The following ATF6 variants were observed in gnomAD, a reference collection of about 807,000 sequenced individuals.
ATF6 encodes activating transcription factor 6.
Under a neutral mutation model 83.6 loss-of-function variants are expected in ATF6, and 53 were observed. That is an observed-to-expected ratio of 0.63 (90% CI 0.51 to 0.80). The LOEUF (loss-of-function observed/expected upper bound fraction) is 0.80, where lower values mean the gene tolerates loss of function less well. ATF6 is among the 30% of genes least tolerant of loss of function. ATF6 has a pLI of 0.00. For synonymous variants in ATF6, 288 were observed against 285.8 expected, an observed-to-expected ratio of 1.01 and a Z score of -0.08; for missense variants, 744 against 797.9, an observed-to-expected ratio of 0.93 and a Z score of 0.81.
intron 1 of ATF6, 94 bp downstream of exon 1, chr1:161,766,536 G>T: frequency 8.6e-7 from 1 of 1,166,854 alleles, no homozygotes; most frequent in South Asian, 1.4e-5. Context: ...GACAGGTGTG[G>T]ACCAACCCTG....
chr1:161,780,112 G>T lies in ATF6; in HGVS notation c.159+1792G>T, dbSNP rs182352901. On this transcript the variant is annotated intron_variant, in intron 2 of 15. Transcript: ENST00000367942. ...AAGGAGATTGATTTTTTAAAAAATG[G>T]TTTTTTTATGATTTAAATACTTTTT... Among the ~76,000 whole-genome samples the T allele has an allele frequency of 5.0e-3, 761 of 152,076 alleles. 16 individuals are homozygous for T. The highest frequency in any genetic ancestry group is 9.5e-3 in the South Asian group (46 of 4,822).
At chr1:161,812,371 CTTTTTTTTTTTTTTTTTTTTT>C (rs869240831) in intron 7 of ATF6, among the ~76,000 whole-genome samples, 101 of 34,382 alleles carry the variant, frequency 2.9e-3, no homozygotes, top group African/African-American at 7.1e-3. Context: ...CAGGTATTTT[CTTTTTTTTTTTTTTTTTTTTT>C]TTTTTTTTTT....
At position 161,802,229 on chromosome 1, in the gene ATF6, C is replaced by T; in HGVS notation, c.866C>T (p.Thr289Ile). Residue 289 changes from threonine (T) to isoleucine (I), a missense_variant, in exon 7 of 16, where the codon ACT becomes ATT. By Grantham distance (89) the Thr-to-Ile change is moderately conservative. Coordinates refer to ENST00000367942, the MANE Select transcript of ATF6 (RefSeq NM_007348.4). ...NSPVNGKLSV[T>I]KPVLQSTMRN... ...CCAGTGAATGGAAAACTTTCCGTGACTAAACCTGTCCTACAAAGTACCATG... is the reference window on the plus strand; with the variant it reads ...CCAGTGAATGGAAAACTTTCCGTGATTAAACCTGTCCTACAAAGTACCATG... 1 of 1,614,028 alleles carries T rather than the reference C, an allele frequency of 6.2e-7. No homozygotes were observed. Among genetic ancestry groups the T allele is most frequent in the Non-Finnish European group, 8.5e-7 (1 of 1,179,972 alleles).
At chr1:161,866,195 G>A (rs1686994424) in intron 14 of ATF6, among the ~76,000 whole-genome samples, 1 of 152,130 alleles carries the variant, frequency 6.6e-6, no homozygotes, top group Non-Finnish European at 1.5e-5. Flanking sequence ...CAATAAGCAA[G>A]CTATGTTATT....
chr1:161,867,212 G>A (rs1687024036), intron 14 of ATF6, among the ~76,000 whole-genome samples: 2 of 151,968 alleles, frequency 1.3e-5, no homozygotes, highest in African/African-American at 2.4e-5. Context: ...GGAGAATGGC[G>A]TGAACCTGGG....
At chr1:161,801,260 TATC>T (rs1247784981) in intron 6 of ATF6, among the ~76,000 whole-genome samples, 3 of 152,106 alleles carry the variant, frequency 2.0e-5, no homozygotes, top group Non-Finnish European at 4.4e-5. Context: ...AAAGGGCTGG[TATC>T]ATCTACAGAC....
intron 4 of ATF6, among the ~76,000 whole-genome samples, chr1:161,791,106 CTG>C (rs565632055): frequency 2.9e-3 from 348 of 120,510 alleles, no homozygotes; most frequent in African/African-American, 7.4e-3. Flanking sequence ...GTGTGTGTCT[CTG>C]TGTGTGTGTG....
intron 6 of ATF6, among the ~76,000 whole-genome samples, chr1:161,798,177 C>A (rs1171222222): frequency 6.6e-6 from 1 of 152,168 alleles, no homozygotes; most frequent in Non-Finnish European, 1.5e-5. Context: ...GGATGAAAGA[C>A]TTAAATGTAC....
chr1:161,942,631 A>G (rs189625148), intron 15 of ATF6, among the ~76,000 whole-genome samples: 9 of 152,326 alleles, frequency 5.9e-5, no homozygotes, highest in Admixed American at 5.9e-4. Flanking sequence ...CACAAACATC[A>G]TCATATTTAA....
intron 13 of ATF6, among the ~76,000 whole-genome samples, chr1:161,862,515 A>G (rs1350291148): frequency 6.6e-6 from 1 of 152,210 alleles, no homozygotes; most frequent in Non-Finnish European, 1.5e-5. Context: ...TTTTAATTTT[A>G]GTAAGGCACA....
Position 161,781,897 on chromosome 1 carries a change from A to G in ATF6, c.160-15A>G, listed in dbSNP as rs1684640501. Reference sequence around the variant, plus strand: ...TTATTCTTTTAATATTCTTTTGCTGATTTGAAACCTACAGGAAAACAATTT... The same window carrying G: ...TTATTCTTTTAATATTCTTTTGCTGGTTTGAAACCTACAGGAAAACAATTT... On this transcript the variant is annotated splice_polypyrimidine_tract_variant and intron_variant, in intron 2 of 15. Transcript: ENST00000367942. 15 of 1,537,208 alleles carry G rather than the reference A, an allele frequency of 9.8e-6. No individual in the cohort carries two copies. The highest frequency in any genetic ancestry group is 1.3e-5 in the Non-Finnish European group (15 of 1,118,120).
intron 15 of ATF6, among the ~76,000 whole-genome samples, chr1:161,947,681 A>G (rs986837573): frequency 6.6e-6 from 1 of 152,112 alleles, no homozygotes; most frequent in Non-Finnish European, 1.5e-5. Context: ...AAATGTTGCT[A>G]TTTATATGCT....
At chr1:161,894,256 T>G (rs1687622309) in intron 14 of ATF6, among the ~76,000 whole-genome samples, 1 of 151,508 alleles carries the variant, frequency 6.6e-6, no homozygotes, top group African/African-American at 2.4e-5. Context: ...AGAAATGGTT[T>G]TAAAAACTTA....
In ATF6 at chr1:161,789,134, C is replaced by A. The variant is rs1336710911; in HGVS notation, c.355-2274C>A. ...GGTATCCATCCCCTCAAGCATTTAT[C>A]CTTTGTGTTATAAACAATCCAGTTA... On this transcript the variant is annotated intron_variant, in intron 4 of 15. Transcript: ENST00000367942. Among the ~76,000 whole-genome samples, 4 of 151,476 alleles carry A rather than the reference C, an allele frequency of 2.6e-5. No homozygotes were observed. In the East Asian group the frequency reaches 7.7e-4, roughly 29 times the overall value.
intron 6 of ATF6, among the ~76,000 whole-genome samples, chr1:161,798,340 GTGGTGGTTCACACCT>G (rs1177671058): frequency 1.3e-5 from 2 of 152,180 alleles, no homozygotes; most frequent in Non-Finnish European, 2.9e-5. Context: ...GAGGCTGGGC[GTGGTGGTTCACACCT>G]GTAATCCCAG....
chr1:161,896,102 A>G (rs1201651223), intron 14 of ATF6, among the ~76,000 whole-genome samples: 8 of 152,228 alleles, frequency 5.3e-5, no homozygotes, highest in Admixed American at 2.6e-4. Context: ...ACATCCGTCT[A>G]TCTATCCATC....
chr1:161,830,622 A>G (rs2101798988), intron 9 of ATF6, among the ~76,000 whole-genome samples: 1 of 152,368 alleles, frequency 6.6e-6, no homozygotes, highest in South Asian at 2.1e-4. Context: ...GGAACAGAAC[A>G]GAGCCCTCAG....
intron 4 of ATF6, among the ~76,000 whole-genome samples, chr1:161,784,713 A>T (rs1443148001): frequency 6.6e-6 from 1 of 152,198 alleles, no homozygotes; most frequent in African/African-American, 2.4e-5. Flanking sequence ...TATGTGCTAT[A>T]AATTGTGGTA....
At chr1:161,767,933 G>T (rs1204787639) in intron 1 of ATF6, among the ~76,000 whole-genome samples, 1 of 152,092 alleles carries the variant, frequency 6.6e-6, no homozygotes, top group Non-Finnish European at 1.5e-5. Flanking sequence ...TTGGCTCACC[G>T]CAACCTCCGC....
Sources: allele counts gnomAD v4.1 joint callset (sites outside exome capture counted in the v4.1 genomes callset), GRCh38; gene constraint gnomAD v4.1.1; transcripts MANE v1.5; gene names NCBI Gene and HGNC (gene_info 2026-07-23, HGNC 2026-07-21).